GAN: variants seen among roughly 807,000 people sequenced by gnomAD.
GAN encodes epididymis secretory sperm binding protein.
In GAN, 48 loss-of-function variants were observed where a neutral mutation model predicts 71.3. The observed-to-expected ratio is 0.67, with a 90% CI of 0.53 to 0.86. The LOEUF (loss-of-function observed/expected upper bound fraction) is 0.86, where lower values mean the gene tolerates loss of function less well. Among genes scored for constraint, GAN ranks in the 40% least tolerant of loss-of-function variants. GAN has a pLI of 0.00. For missense variants in GAN, 928 were observed against 770.1 expected, an observed-to-expected ratio of 1.21 and a Z score of -2.43; for synonymous variants, 386 against 276.8, an observed-to-expected ratio of 1.39 and a Z score of -3.92.
intron 9 of GAN, among the ~76,000 whole-genome samples, chr16:81,372,440 C>T (rs538253258): frequency 3.3e-5 from 5 of 152,138 alleles, no homozygotes; most frequent in Non-Finnish European, 7.4e-5. Flanking sequence ...TGTTCAGGGT[C>T]GGTGAGATGA....
rs1904316028 is a variant in GAN at position 81,383,235 on chromosome 16, GCC to G, written c.*5641_*5642del. 1 of 140,872 alleles carries G rather than the reference GCC, an allele frequency of 7.1e-6. No individual in the cohort carries two copies. The highest frequency in any genetic ancestry group is 1.5e-5 in the Non-Finnish European group (1 of 65,508). 8.7% of individuals were successfully genotyped at this position (140,872 alleles called of 1,614,324 possible). ...AATTATTTAGTCAGAAATGACTGTT[GCC>G]CTCTCTTTTTTTTTTTTTTTTTTTT... On this transcript the variant is annotated 3_prime_UTR_variant, in exon 11 of 11. Coordinates refer to ENST00000648994, the MANE Select transcript of GAN (RefSeq NM_022041.4).
At position 81,385,101 on chromosome 16, in the gene GAN, G is replaced by A. The variant is rs368536152; in HGVS notation, c.*7505G>A. The A allele has an allele frequency of 4.6e-5, 7 of 153,790 alleles. No homozygotes were observed. The highest frequency in any genetic ancestry group is 1.7e-4 in the African/African-American group (7 of 41,596). The allele number at this position is 153,790 out of a possible 1,614,324, so 9.5% of individuals were successfully genotyped here. ...CCAAGTATAGCCAAGTTTAACTGTC[G>A]TTGTGTATTAATAAGATTTAATTTT... On this transcript the variant is annotated 3_prime_UTR_variant, in exon 11 of 11. Coordinates refer to ENST00000648994, the MANE Select transcript of GAN (RefSeq NM_022041.4).
chr16:81,387,218 T>C lies in GAN; in HGVS notation c.*9622T>C, dbSNP rs536768437. The stretch of plus-strand genomic sequence containing the variant: ...CTAAATGTAAAGTCTTACGTCTCGG[T>C]TCAAGAAAGCACGTTGCTATATGAA... On this transcript the variant is annotated 3_prime_UTR_variant, in exon 11 of 11. Coordinates refer to ENST00000648994, the MANE Select transcript of GAN (RefSeq NM_022041.4). 1.2e-4 allele frequency: 18 copies of C among 152,306 alleles called. No homozygotes were observed. The highest frequency in any genetic ancestry group is 4.3e-4 in the African/African-American group (18 of 41,564). 9.4% of individuals were successfully genotyped at this position (152,306 alleles called of 1,614,324 possible).
At chr16:81,330,539 ATAAAC>A (rs1289597078) in intron 1 of GAN, among the ~76,000 whole-genome samples, 2 of 152,260 alleles carry the variant, frequency 1.3e-5, no homozygotes, top group Non-Finnish European at 2.9e-5. Context: ...GAATGCATGA[ATAAAC>A]TAATAAATGG....
chr16:81,370,523 A>G (rs1327570288), intron 9 of GAN, among the ~76,000 whole-genome samples: 1 of 152,268 alleles, frequency 6.6e-6, no homozygotes, highest in Non-Finnish European at 1.5e-5. Flanking sequence ...GGGCAGAGGG[A>G]AAACACCCAA....
intron 1 of GAN, among the ~76,000 whole-genome samples, chr16:81,336,221 G>T (rs1567483694): frequency 6.6e-6 from 1 of 152,190 alleles, no homozygotes; most frequent in Non-Finnish European, 1.5e-5. Context: ...AGCTTCCTTG[G>T]GTTTCCCTCT....
chr16:81,317,491 A>G (rs915166458), intron 1 of GAN, among the ~76,000 whole-genome samples: 14 of 152,248 alleles, frequency 9.2e-5, no homozygotes, highest in African/African-American at 3.1e-4. Context: ...AGAAATACGT[A>G]ATAGTGTTGA....
chr16:81,375,586 A>C (rs371895472), intron 9 of GAN, among the ~76,000 whole-genome samples: 370 of 152,082 alleles, frequency 2.4e-3, no homozygotes, highest in African/African-American at 8.5e-3. Flanking sequence ...TCAACCTCCC[A>C]AAGTATTGGG....
Position 81,382,032 on chromosome 16 carries a change from T to A in GAN, c.*4436T>A, listed in dbSNP as rs1240696309. Reference sequence around the variant, plus strand: ...GACTCAGCACAGCTTATAATGTTGATCATGTTTAGTATTGGGCTTTATTGA... The same window carrying A: ...GACTCAGCACAGCTTATAATGTTGAACATGTTTAGTATTGGGCTTTATTGA... On this transcript the variant is annotated 3_prime_UTR_variant, in exon 11 of 11. Coordinates refer to ENST00000648994, the MANE Select transcript of GAN (RefSeq NM_022041.4). The A allele has an allele frequency of 6.6e-6, 1 of 152,162 alleles. No homozygotes were observed. The highest frequency in any genetic ancestry group is 1.5e-5 in the Non-Finnish European group (1 of 68,040). 9.4% of individuals were successfully genotyped at this position (152,162 alleles called of 1,614,324 possible). A position where few individuals can be genotyped will look rare whatever the true frequency, so the allele number is the denominator to read the frequency against.
At chr16:81,329,713 T>A (rs191212339) in intron 1 of GAN, among the ~76,000 whole-genome samples, 11 of 152,320 alleles carry the variant, frequency 7.2e-5, no homozygotes, top group Non-Finnish European at 1.0e-4. Context: ...GCACCTCTTG[T>A]CCCATGTTCC....
At chr16:81,351,453 G>A (rs924913235) in intron 1 of GAN, 130 bp from the exon 2 acceptor site, 10 of 647,778 alleles carry the variant, frequency 1.5e-5, no homozygotes, top group African/African-American at 5.5e-5. Context: ...TAAAGTTAAC[G>A]AACTAAATTT....
intron 1 of GAN, among the ~76,000 whole-genome samples, chr16:81,343,153 A>AT (rs1910001578): frequency 6.6e-6 from 1 of 152,212 alleles, no homozygotes; most frequent in East Asian, 1.9e-4. Flanking sequence ...ACCAACCAAA[A>AT]AAAAGTCCAG....
Position 81,354,471 on chromosome 16 carries a change from C to T in GAN, c.349C>T (p.Leu117Phe). 6.2e-7 allele frequency: 1 copy of T among 1,614,114 alleles called. No individual in the cohort carries two copies. The highest frequency in any genetic ancestry group is 8.5e-7 in the Non-Finnish European group (1 of 1,179,960). Residue 117 changes from leucine (L) to phenylalanine (F), a missense_variant, in exon 3 of 11, where the codon CTT becomes TTT. Transcript: ENST00000648994. ...QAADLLLLTD[L>F]KTLCCEFLEG... Reference sequence around the variant, plus strand: ...AGCTGACCTGCTGCTACTGACGGACCTTAAAACCCTGTGCTGTGAGTTTTT... The same window carrying T: ...AGCTGACCTGCTGCTACTGACGGACTTTAAAACCCTGTGCTGTGAGTTTTT...
rs1031606488 is a variant in GAN at position 81,388,512 on chromosome 16, C to G, written c.*10916C>G. On this transcript the variant is annotated 3_prime_UTR_variant, in exon 11 of 11. Transcript: ENST00000648994. ...TCCCAGCGCCTTAGGCACCTGTAGG[C>G]TAGAATGACACCTTCCAGGCCAGCC... 6.5e-6 allele frequency: 1 copy of G among 152,788 alleles called. No individual in the cohort carries two copies. The highest frequency in any genetic ancestry group is 6.5e-5 in the Admixed American group (1 of 15,292). The allele number at this position is 152,788 out of a possible 1,614,324, so 9.5% of individuals were successfully genotyped here. A position where few individuals can be genotyped will look rare whatever the true frequency, so the allele number is the denominator to read the frequency against.
At chr16:81,324,889 GGTGCTGCA>G (rs1293407458) in intron 1 of GAN, among the ~76,000 whole-genome samples, 2 of 152,246 alleles carry the variant, frequency 1.3e-5, no homozygotes, top group African/African-American at 4.8e-5. Context: ...CGTTTCAGCA[GGTGCTGCA>G]GTTGTTCAGA....
intron 1 of GAN, among the ~76,000 whole-genome samples, chr16:81,318,891 C>T (rs1173300237): frequency 6.6e-6 from 1 of 152,210 alleles, no homozygotes; most frequent in Non-Finnish European, 1.5e-5. Flanking sequence ...GAGGCAGGAC[C>T]TCCTGCGGTC....
At chr16:81,355,653 A>G (rs759472802) in intron 3 of GAN, among the ~76,000 whole-genome samples, 1 of 152,212 alleles carries the variant, frequency 6.6e-6, no homozygotes, top group Non-Finnish European at 1.5e-5. Context: ...GTGAACCACC[A>G]TGCCCAGCCA....
intron 9 of GAN, among the ~76,000 whole-genome samples, chr16:81,365,966 A>T (rs529239347): frequency 6.6e-6 from 1 of 152,090 alleles, no homozygotes; most frequent in Non-Finnish European, 1.5e-5. Flanking sequence ...ACTGACCCAG[A>T]TACTTTATAC....
chr16:81,318,187 T>A (rs1218488018), intron 1 of GAN, among the ~76,000 whole-genome samples: 1 of 152,258 alleles, frequency 6.6e-6, no homozygotes, highest in East Asian at 1.9e-4. Context: ...TAGAACTTGA[T>A]GTTTCTTATC....
Sources: gnomAD v4.1 joint callset for allele counts (sites outside exome capture counted in the v4.1 genomes callset) on GRCh38, gnomAD v4.1.1 for gene constraint, MANE v1.5 for transcripts, NCBI Gene and HGNC (gene_info 2026-07-23, HGNC 2026-07-21) for gene names.